The following PTPN13 variants were observed in gnomAD, a reference collection of about 807,000 sequenced individuals.
The protein encoded by PTPN13 is tyrosine-protein phosphatase non-receptor type 13.
A neutral mutation model predicts 284.0 loss-of-function variants in PTPN13; 191 were observed. That is an observed-to-expected ratio of 0.67 (90% CI 0.60 to 0.76). PTPN13 has a LOEUF of 0.76. Ranked by LOEUF, PTPN13 falls within the 30% of genes least tolerant of loss-of-function variation. The pLI is 0.00. For synonymous variants in PTPN13, 986 were observed against 1,022.3 expected, an observed-to-expected ratio of 0.96 and a Z score of 0.68; for missense variants, 2,797 against 2,939.9, an observed-to-expected ratio of 0.95 and a Z score of 1.12.
At chr4:86,738,260 C>T (rs1243913294) in intron 15 of PTPN13, among the ~76,000 whole-genome samples, 1 of 152,128 alleles carries the variant, frequency 6.6e-6, no homozygotes, top group African/African-American at 2.4e-5. Flanking sequence ...ATGGCAAGTG[C>T]ATGTTTAACT....
Position 86,788,978 on chromosome 4 carries a change from G to A in PTPN13, c.6345+3042G>A, listed in dbSNP as rs115898289. Among the ~76,000 whole-genome samples the A allele has an allele frequency of 9.4e-3, 1,427 of 152,294 alleles. 29 individuals are homozygous for A. Among genetic ancestry groups the A allele is most frequent in the African/African-American group, 0.033 (1,368 of 41,564 alleles). ...GTTATTAAAGCTTTCTAAAGAATTA[G>A]CATCTTAAAGGTATTTGATAGTTAA... On this transcript the variant is annotated intron_variant, in intron 40 of 47. Coordinates refer to ENST00000411767, the MANE Select transcript of PTPN13 (RefSeq NM_080683.3).
chr4:86,804,987 T>A (rs1192050566), intron 43 of PTPN13, among the ~76,000 whole-genome samples: 2 of 152,218 alleles, frequency 1.3e-5, no homozygotes, highest in Non-Finnish European at 2.9e-5. Flanking sequence ...TTTTTTTAAT[T>A]GTATTTTTTT....
intron 7 of PTPN13, among the ~76,000 whole-genome samples, chr4:86,710,399 G>C (rs796863317): frequency 1.3e-5 from 2 of 152,274 alleles, no homozygotes; most frequent in African/African-American, 4.8e-5. Context: ...GCTTGAATAT[G>C]TGTCACTTGT....
intron 1 of PTPN13, among the ~76,000 whole-genome samples, chr4:86,629,868 C>T (rs2148700048): frequency 6.6e-6 from 1 of 152,048 alleles, no homozygotes; most frequent in East Asian, 1.9e-4. Flanking sequence ...GCAATCCTCC[C>T]ATCTCAACCT....
chr4:86,610,883 TC>T (rs1158285740), intron 1 of PTPN13, among the ~76,000 whole-genome samples: 1 of 152,206 alleles, frequency 6.6e-6, no homozygotes, highest in African/African-American at 2.4e-5. Flanking sequence ...TAATAATGAT[TC>T]CAGCTGTCTG....
intron 35 of PTPN13, among the ~76,000 whole-genome samples, chr4:86,778,722 C>G (rs28570548): frequency 0.083 from 12,634 of 152,052 alleles, 669 homozygotes; most frequent in Non-Finnish European, 0.11. Flanking sequence ...TGATTTCTTT[C>G]TTTAAAAAAA....
intron 33 of PTPN13, 102 bp from the exon 34 acceptor site, chr4:86,775,069 A>AAT: frequency 1.2e-6 from 1 of 800,968 alleles, no homozygotes; most frequent in Non-Finnish European, 1.9e-6. Context: ...CTTACTAGCT[A>AAT]ATATATATTA....
At chr4:86,713,433 A>G (rs892427527) in intron 7 of PTPN13, among the ~76,000 whole-genome samples, 1 of 152,142 alleles carries the variant, frequency 6.6e-6, no homozygotes, top group African/African-American at 2.4e-5. Flanking sequence ...ATTGTTTTCC[A>G]TCTCTACAGT....
At chr4:86,674,405 A>G (rs2148900030) in intron 3 of PTPN13, among the ~76,000 whole-genome samples, 1 of 152,338 alleles carries the variant, frequency 6.6e-6, no homozygotes, top group African/African-American at 2.4e-5. Context: ...TCTAATTGCC[A>G]TCTAAAGGAA....
intron 3 of PTPN13, among the ~76,000 whole-genome samples, chr4:86,677,989 C>T (rs1728483546): frequency 6.6e-6 from 1 of 152,084 alleles, no homozygotes; most frequent in African/African-American, 2.4e-5. Flanking sequence ...GGTGGGTCTC[C>T]CCTAGAGCAC....
At chr4:86,654,882 CTT>C (rs1199884445) in intron 2 of PTPN13, among the ~76,000 whole-genome samples, 2 of 152,122 alleles carry the variant, frequency 1.3e-5, no homozygotes, top group Non-Finnish European at 2.9e-5. Flanking sequence ...GTCTAAGTCT[CTT>C]TGTAGGTCTC....
chr4:86,699,096 G>C (rs748343804), intron 6 of PTPN13, among the ~76,000 whole-genome samples: 1 of 152,068 alleles, frequency 6.6e-6, no homozygotes, highest in Non-Finnish European at 1.5e-5. Flanking sequence ...GCAAAGAAAA[G>C]AGTAGACATA....
intron 47 of PTPN13, among the ~76,000 whole-genome samples, chr4:86,812,242 G>A (rs1006948387): frequency 6.1e-5 from 9 of 148,040 alleles, no homozygotes; most frequent in African/African-American, 1.0e-4. Flanking sequence ...CCCGGGAGGC[G>A]GAGCTTGCAG....
chr4:86,705,333 C>CAAAAAAAAAAAAAA (rs759784072), intron 7 of PTPN13, among the ~76,000 whole-genome samples: 10 of 95,338 alleles, frequency 1.0e-4, no homozygotes, highest in African/African-American at 3.6e-4. Flanking sequence ...GACTCCGTCT[C>CAAAAAAAAAAAAAA]AAAAAAAAAA....
intron 31 of PTPN13, among the ~76,000 whole-genome samples, chr4:86,772,407 A>T (rs1740099622): frequency 6.6e-6 from 1 of 152,082 alleles, no homozygotes; most frequent in Non-Finnish European, 1.5e-5. Context: ...TACAAAAATT[A>T]GTTGGGCATG....
rs975024573 is a variant in PTPN13 at position 86,658,773 on chromosome 4, G to A, written c.116-13592G>A. ...TTTTTGAGAGCTGATAAAATATATA[G>A]ATCTTCAAATTCTAGAAGCTTAAGG... On this transcript the variant is annotated intron_variant, in intron 2 of 47. Transcript: ENST00000411767. 5.9e-5 allele frequency among the ~76,000 whole-genome samples: 9 copies of A among 152,094 alleles called. No homozygotes were observed. The South Asian group carries it at 1.5e-3, about 25-fold the overall frequency.
At chr4:86,691,469 A>G (rs1730022114) in intron 5 of PTPN13, among the ~76,000 whole-genome samples, 1 of 152,174 alleles carries the variant, frequency 6.6e-6, no homozygotes, top group African/African-American at 2.4e-5. Flanking sequence ...TTTACTAAGT[A>G]TAATAATGCT....
intron 1 of PTPN13, 131 bp downstream of exon 1, chr4:86,594,920 G>A (rs1033862392): frequency 6.6e-6 from 1 of 152,494 alleles, no homozygotes; most frequent in African/African-American, 2.4e-5. Context: ...CGGTTGCCCT[G>A]GTAGAAGGAA....
At chr4:86,705,485 A>T (rs528015586) in intron 7 of PTPN13, among the ~76,000 whole-genome samples, 18 of 152,096 alleles carry the variant, frequency 1.2e-4, no homozygotes, top group Non-Finnish European at 2.2e-4. Context: ...GATCCCTTTT[A>T]TGTGTGATAA....
Sources: gnomAD v4.1 joint callset for allele counts (sites outside exome capture counted in the v4.1 genomes callset) on GRCh38, gnomAD v4.1.1 for gene constraint, MANE v1.5 for transcripts, NCBI Gene and HGNC (gene_info 2026-07-23, HGNC 2026-07-21) for gene names.